Variants in PHF14 observed in about 807,000 individuals in gnomAD.
PHF14 encodes PHD finger protein 14.
In PHF14, 55 loss-of-function variants were observed where a neutral mutation model predicts 117.9. The ratio of observed to expected loss-of-function variants is 0.47; its 90% CI spans 0.38 to 0.58. The LOEUF (loss-of-function observed/expected upper bound fraction) is 0.58, where lower values mean the gene tolerates loss of function less well. PHF14 is among the 20% of genes least tolerant of loss of function. PHF14 has a pLI of 0.00. For missense variants in PHF14, 978 were observed against 1,122.2 expected (o/e 0.87, Z 1.84); for synonymous variants, 409 against 368.6 (o/e 1.11, Z -1.26).
In PHF14 at chr7:10,974,234, T is replaced by A; in HGVS notation, c.-90T>A. Reference sequence around the variant, plus strand: ...TTAAATAGCATCTTTCGGACTTGTCTTCGCGGCCCCAGTCCCCGACCTCGG... The same window carrying A: ...TTAAATAGCATCTTTCGGACTTGTCATCGCGGCCCCAGTCCCCGACCTCGG... On this transcript the variant is annotated 5_prime_UTR_variant, in exon 1 of 18. Coordinates refer to ENST00000634607, the MANE Select transcript of PHF14 (RefSeq NM_001007157.2). The A allele has an allele frequency of 1.1e-5, 13 of 1,142,778 alleles. No individual in the cohort carries two copies. The highest frequency in any genetic ancestry group is 1.5e-5 in the Non-Finnish European group (12 of 779,804). The allele number at this position is 1,142,778 out of a possible 1,614,324, so 70.8% of individuals were successfully genotyped here.
At chr7:11,020,803 C>A (rs766035630) in intron 5 of PHF14, among the ~76,000 whole-genome samples, 1 of 152,096 alleles carries the variant, frequency 6.6e-6, no homozygotes, top group Non-Finnish European at 1.5e-5. Context: ...TGTAAATGAA[C>A]AACCTCCTAC....
At chr7:11,038,606 C>T (rs1784392568) in intron 10 of PHF14, among the ~76,000 whole-genome samples, 154 bp from the exon 11 acceptor site, 1 of 149,156 alleles carries the variant, frequency 6.7e-6, no homozygotes, top group Non-Finnish European at 1.5e-5. Context: ...TGTAGTGAGC[C>T]GAAATCGTGT....
intron 4 of PHF14, among the ~76,000 whole-genome samples, chr7:10,993,973 C>A (rs1273740202): frequency 1.4e-5 from 2 of 147,028 alleles, no homozygotes; most frequent in African/African-American, 5.1e-5. Flanking sequence ...TGCGCCAGTG[C>A]ACTTTGGCCT....
At chr7:11,150,460 A>G (rs995294982) in intron 17 of PHF14, among the ~76,000 whole-genome samples, 2 of 152,132 alleles carry the variant, frequency 1.3e-5, no homozygotes, top group Non-Finnish European at 1.5e-5. Context: ...TCCTGAACAT[A>G]TGGCACATTA....
At chr7:11,141,890 A>AAATT (rs10669998) in intron 17 of PHF14, among the ~76,000 whole-genome samples, 75,042 of 151,308 alleles carry the variant, frequency 0.5, 19,258 homozygotes, top group East Asian at 0.85. Flanking sequence ...TCACAATTGA[A>AAATT]AATACTGCTT....
At chr7:10,993,900 T>C (rs2128311133) in intron 4 of PHF14, among the ~76,000 whole-genome samples, 1 of 151,604 alleles carries the variant, frequency 6.6e-6, no homozygotes, top group Non-Finnish European at 1.5e-5. Flanking sequence ...TCCCAGCTAC[T>C]CTGGAGGCTA....
chr7:11,121,969 C>T (rs1008700837), intron 17 of PHF14, among the ~76,000 whole-genome samples: 1 of 151,656 alleles, frequency 6.6e-6, no homozygotes, highest in African/African-American at 2.4e-5. Flanking sequence ...ACGTTTTAAG[C>T]CCTGCATGCA....
intron 16 of PHF14, chr7:11,106,249 C>A: frequency 1.0e-6 from 1 of 972,544 alleles, no homozygotes; most frequent in South Asian, 4.7e-5. Context: ...GGATATTTTT[C>A]TAATTTTTTA....
intron 16 of PHF14, chr7:11,063,147 AG>A (rs1427775665): frequency 1.0e-6 from 1 of 961,030 alleles, no homozygotes; most frequent in African/African-American, 1.8e-5. Flanking sequence ...AGAAAGATAA[AG>A]TAAAAATTAC....
intron 2 of PHF14, among the ~76,000 whole-genome samples, chr7:10,981,687 CTCT>C (rs1480653472): frequency 1.3e-5 from 2 of 152,166 alleles, no homozygotes; most frequent in Non-Finnish European, 2.9e-5. Flanking sequence ...AGTGTAGTGA[CTCT>C]TCTTTTATTG....
At chr7:10,974,375 G>T in intron 1 of PHF14, 51 bp downstream of exon 1, 7 of 1,524,546 alleles carry the variant, frequency 4.6e-6, no homozygotes, top group Non-Finnish European at 6.3e-6. Flanking sequence ...AGCCATTCTA[G>T]AAGTCAGGGC....
intron 16 of PHF14, among the ~76,000 whole-genome samples, chr7:11,088,085 C>T (rs1786488486): frequency 6.6e-6 from 1 of 152,090 alleles, no homozygotes; most frequent in Non-Finnish European, 1.5e-5. Context: ...CAGGACCGCT[C>T]TCGGATATCA....
intron 16 of PHF14, among the ~76,000 whole-genome samples, chr7:11,072,703 T>C (rs892100910): frequency 7.9e-6 from 1 of 126,952 alleles, no homozygotes; most frequent in Non-Finnish European, 1.7e-5. Flanking sequence ...TTGCTATAAA[T>C]ACCTGAGGCT....
intron 16 of PHF14, among the ~76,000 whole-genome samples, chr7:11,064,323 C>T (rs991056841): frequency 3.3e-5 from 5 of 151,892 alleles, no homozygotes; most frequent in Non-Finnish European, 4.4e-5. Context: ...AAAGTCTACA[C>T]TTTTTTATTA....
chr7:11,103,660 G>C (rs987198703), intron 16 of PHF14: 3 of 984,864 alleles, frequency 3.0e-6, no homozygotes, highest in Non-Finnish European at 3.6e-6. Flanking sequence ...ACATCTTTTC[G>C]GGTATAGTGA....
intron 16 of PHF14, chr7:11,111,149 T>G (rs796406186): frequency 1.4e-4 from 62 of 451,492 alleles, no homozygotes; most frequent in African/African-American, 1.1e-3. Flanking sequence ...ATTGCTGTTG[T>G]ATTTTGTTTT....
In PHF14 at chr7:10,982,831, T is replaced by C. The variant is rs750112797; in HGVS notation, c.572T>C (p.Leu191Pro). ...KKWNLRRNRP[L>P]LDFVSMEELN... ...TGGAACCTTCGACGAAACCGACCAC[T>C]TCTGGATTTTGTGTCCATGGAAGAG... Residue 191 changes from leucine (L) to proline (P), a missense_variant, in exon 3 of 18, where the codon CTT becomes CCT. Transcript: ENST00000634607. The C allele has an allele frequency of 1.2e-6, 2 of 1,613,908 alleles. No homozygotes were observed.
At chr7:10,993,247 G>T (rs1782523769) in intron 4 of PHF14, among the ~76,000 whole-genome samples, 1 of 151,452 alleles carries the variant, frequency 6.6e-6, no homozygotes, top group East Asian at 1.9e-4. Context: ...TTTAATCAGG[G>T]CTGTGACTAC....
intron 16 of PHF14, among the ~76,000 whole-genome samples, chr7:11,090,765 G>T (rs1004859074): frequency 6.6e-6 from 1 of 152,160 alleles, no homozygotes; most frequent in East Asian, 1.9e-4. Flanking sequence ...AGATTTTTAT[G>T]TAGAGGGTTT....
Sources: gnomAD v4.1 joint callset for allele counts (sites outside exome capture counted in the v4.1 genomes callset) on GRCh38, gnomAD v4.1.1 for gene constraint, MANE v1.5 for transcripts, NCBI Gene and HGNC (gene_info 2026-07-23, HGNC 2026-07-21) for gene names.